Variants in TMEM209 observed in about 807,000 individuals in gnomAD.
TMEM209 encodes the protein testicular tissue protein Li 202.
Under a neutral mutation model 76.2 loss-of-function variants are expected in TMEM209, and 65 were observed. The observed-to-expected ratio is 0.85, with a 90% CI of 0.70 to 1.05. The LOEUF is 1.05. TMEM209 is among the 50% of genes least tolerant of loss of function. The pLI is 0.00. For missense variants in TMEM209, 623 were observed against 685.5 expected (o/e 0.91, Z 1.02); for synonymous variants, 239 against 237.6 (o/e 1.01, Z -0.06).
chr7:130,196,384 T>C (rs929741139), intron 5 of TMEM209, among the ~76,000 whole-genome samples: 1 of 152,150 alleles, frequency 6.6e-6, no homozygotes, highest in African/African-American at 2.4e-5. Flanking sequence ...AGTTATTAGT[T>C]TGGTTCAACA....
At chr7:130,198,428 T>C (rs1324703345) in intron 5 of TMEM209, among the ~76,000 whole-genome samples, 2 of 152,074 alleles carry the variant, frequency 1.3e-5, no homozygotes, top group African/African-American at 2.4e-5. Flanking sequence ...CTGGCCAACA[T>C]GGTGAAACCC....
chr7:130,192,409 T>C (rs1033128610), intron 6 of TMEM209: 1 of 525,668 alleles, frequency 1.9e-6, no homozygotes, highest in East Asian at 3.2e-5. Flanking sequence ...TTCAATCTTA[T>C]TGTAGGTTTG....
chr7:130,178,884 T>A (rs993733919), intron 9 of TMEM209, among the ~76,000 whole-genome samples: 2 of 152,088 alleles, frequency 1.3e-5, no homozygotes, highest in East Asian at 3.8e-4. Flanking sequence ...CAAGCAATCC[T>A]CCTCCCACCT....
At chr7:130,181,958 G>A (rs1405092349) in intron 8 of TMEM209, 4 of 337,072 alleles carry the variant, frequency 1.2e-5, no homozygotes, top group Admixed American at 4.0e-5. Flanking sequence ...TTTTTTTTTC[G>A]AGATGGAGTT....
intron 11 of TMEM209, 87 bp from the exon 12 acceptor site, chr7:130,174,026 C>T (rs988137016): frequency 4.4e-5 from 39 of 884,976 alleles, no homozygotes; most frequent in South Asian, 8.8e-5. Context: ...GTATTTATAA[C>T]GATTCCAATT....
At chr7:130,204,389 T>C (rs2402991) in intron 1 of TMEM209, among the ~76,000 whole-genome samples, 39,147 of 152,168 alleles carry the variant, frequency 0.26, 5,349 homozygotes, top group East Asian at 0.39. Context: ...TCTCCCAGGC[T>C]AGAATGCAGT....
At chr7:130,181,206 C>A (rs1797401253) in intron 9 of TMEM209, among the ~76,000 whole-genome samples, 1 of 152,192 alleles carries the variant, frequency 6.6e-6, no homozygotes, top group Non-Finnish European at 1.5e-5. Context: ...AAGCCAGTCA[C>A]AAAGTCATGT....
intron 5 of TMEM209, among the ~76,000 whole-genome samples, chr7:130,198,385 C>T (rs1052214930): frequency 4.6e-5 from 7 of 151,938 alleles, no homozygotes; most frequent in Non-Finnish European, 1.0e-4. Flanking sequence ...CTGAGGTGGG[C>T]GGATCACTCG....
At chr7:130,202,141 T>C (rs750679775) in intron 4 of TMEM209, 50 bp from the exon 5 acceptor site, 1 of 1,539,462 alleles carries the variant, frequency 6.5e-7, no homozygotes, top group Non-Finnish European at 8.7e-7. Flanking sequence ...CAAATAAAAT[T>C]ATACGAAAAT....
chr7:130,170,544 T>C (rs1797035035), intron 13 of TMEM209, 71 bp from the exon 14 acceptor site: 8 of 1,172,690 alleles, frequency 6.8e-6, no homozygotes, highest in Admixed American at 2.0e-5. Context: ...TAAATACATA[T>C]CTTATCAATT....
At position 130,201,890 on chromosome 7, in the gene TMEM209, C is replaced by G; in HGVS notation, c.533G>C (p.Ser178Thr). Reference protein sequence around the residue: ...GLSSGGSGSYSPGVTYSPVSG... With the variant: ...GLSSGGSGSYTPGVTYSPVSG... ...GACGGGCGAGTAGGTCACTCCAGGG[C>G]TATAAGAACCACTGCCACCTGAGGA... Residue 178 changes from serine to threonine, a missense_variant, in exon 5 of 15, where the codon AGC (serine) becomes ACC (threonine). By Grantham distance (58) the Ser-to-Thr change is moderately conservative. Coordinates refer to ENST00000397622, the MANE Select transcript of TMEM209 (RefSeq NM_032842.4). The G allele has an allele frequency of 2.5e-6, 4 of 1,613,814 alleles. No homozygotes were observed. The highest frequency in any genetic ancestry group is 3.4e-6 in the Non-Finnish European group (4 of 1,179,864).
Position 130,173,893 on chromosome 7 carries a change from G to A in TMEM209, c.1391C>T (p.Pro464Leu). The A allele has an allele frequency of 6.2e-7, 1 of 1,613,862 alleles. No homozygotes were observed. The highest frequency in any genetic ancestry group is 8.5e-7 in the Non-Finnish European group (1 of 1,179,784). Residue 464 changes from proline to leucine, a missense_variant, in exon 12 of 15, where the codon CCA (proline) becomes CTA (leucine). Transcript: ENST00000397622. ...TTTTCCGTCGGGATACTTCGGATGT[G>A]GAGGTAATCTGGAATCAAGGTAGGT... ...FCTYLDSRLP[P>L]HPKYPDGKTF...
At chr7:130,202,826 C>T (rs908031858) in intron 3 of TMEM209, among the ~76,000 whole-genome samples, 163 bp from the exon 4 acceptor site, 3 of 152,104 alleles carry the variant, frequency 2.0e-5, no homozygotes, top group Non-Finnish European at 4.4e-5. Flanking sequence ...TGGTGGCTCA[C>T]ACCCATAATT....
At chr7:130,178,185 T>C (rs1164312579) in intron 10 of TMEM209, among the ~76,000 whole-genome samples, 1 of 152,216 alleles carries the variant, frequency 6.6e-6, no homozygotes, top group Non-Finnish European at 1.5e-5. Context: ...CCCATTCTTA[T>C]GAGTCTAAAA....
intron 14 of TMEM209, among the ~76,000 whole-genome samples, chr7:130,169,382 A>C (rs1313292373): frequency 1.3e-5 from 2 of 152,214 alleles, no homozygotes; most frequent in African/African-American, 2.4e-5. Flanking sequence ...TTTCTAGTAG[A>C]TACCTAATAA....
intron 6 of TMEM209, 79 bp downstream of exon 6, chr7:130,192,543 A>T: frequency 8.4e-7 from 1 of 1,188,508 alleles, no homozygotes. Context: ...GTTAGTATGG[A>T]TATTAAAATA....
chr7:130,183,710 A>G (rs1797501614), intron 8 of TMEM209, among the ~76,000 whole-genome samples: 1 of 152,196 alleles, frequency 6.6e-6, no homozygotes, highest in Admixed American at 6.5e-5. Context: ...CACTCTGTAT[A>G]TGGAAAAGTT....
chr7:130,197,147 C>T (rs548927774), intron 5 of TMEM209, among the ~76,000 whole-genome samples: 10 of 152,300 alleles, frequency 6.6e-5, no homozygotes, highest in Non-Finnish European at 1.3e-4. Context: ...ATACCCAGAA[C>T]TGAAAGCAGG....
intron 13 of TMEM209, among the ~76,000 whole-genome samples, chr7:130,171,073 CTG>C (rs1350097332): frequency 6.6e-6 from 1 of 152,082 alleles, no homozygotes; most frequent in East Asian, 1.9e-4. Flanking sequence ...AGCTGGGGGA[CTG>C]TGTTTCACAC....
Sources: gnomAD v4.1 joint callset for allele counts (sites outside exome capture counted in the v4.1 genomes callset) on GRCh38, gnomAD v4.1.1 for gene constraint, MANE v1.5 for transcripts, NCBI Gene and HGNC (gene_info 2026-07-23, HGNC 2026-07-21) for gene names.